RGS17: variants seen among roughly 807,000 people sequenced by gnomAD.
RGS17 encodes the protein regulator of G protein signaling 17, also known as regulator of G-protein signaling 17.
A neutral mutation model predicts 25.5 loss-of-function variants in RGS17; 12 were observed. The ratio of observed to expected loss-of-function variants is 0.47; its 90% CI spans 0.30 to 0.76. The LOEUF is 0.76. RGS17 is among the 30% of genes least tolerant of loss of function. The pLI is 0.07. For synonymous variants in RGS17, 71 were observed against 76.9 expected, an observed-to-expected ratio of 0.92 and a Z score of 0.40; for missense variants, 196 against 242.2, an observed-to-expected ratio of 0.81 and a Z score of 1.27.
At chr6:153,069,273 A>G (rs1776750436) in intron 1 of RGS17, among the ~76,000 whole-genome samples, 1 of 152,358 alleles carries the variant, frequency 6.6e-6, no homozygotes, top group East Asian at 1.9e-4. Context: ...TTCAGCCATA[A>G]AAAGAATGAG....
At chr6:153,062,399 C>G (rs1776651870) in intron 1 of RGS17, among the ~76,000 whole-genome samples, 1 of 152,096 alleles carries the variant, frequency 6.6e-6, no homozygotes, top group Non-Finnish European at 1.5e-5. Flanking sequence ...AAAACTGGAC[C>G]AAATTCAGCT....
intron 1 of RGS17, among the ~76,000 whole-genome samples, chr6:153,071,197 A>G (rs1232056368): frequency 1.3e-5 from 2 of 150,980 alleles, no homozygotes; most frequent in Admixed American, 6.6e-5. Context: ...ATATCAATAT[A>G]TATACACACA....
At chr6:153,020,130 ATATATATATTTTTTTTTTTTT>A (rs1562313019) in intron 4 of RGS17, among the ~76,000 whole-genome samples, 13 of 89,354 alleles carry the variant, frequency 1.5e-4, no homozygotes, top group Non-Finnish European at 2.7e-4. Context: ...ATATATATAT[ATATATATATTTTTTTTTTTTT>A]TTTTTTTTTT....
chr6:153,024,644 A>G lies in RGS17; in HGVS notation c.210-148T>C, dbSNP rs1295000709. On this transcript the variant is annotated intron_variant, in intron 3 of 4. Coordinates refer to ENST00000206262, the MANE Select transcript of RGS17 (RefSeq NM_012419.5). ...GCCACTCAGTCCAGCCTGATGTGCC[A>G]AATAAGTATCTGTCAGGACTACGTC... The G allele has an allele frequency of 1.3e-5, 8 of 635,364 alleles. No individual in the cohort carries two copies. The East Asian group carries it at 2.2e-4, about 17-fold the overall frequency. The allele number at this position is 635,364 out of a possible 1,614,324, so 39.4% of individuals were successfully genotyped here.
intron 4 of RGS17, 80 bp from the exon 5 acceptor site, chr6:153,011,842 T>C (rs1779137191): frequency 9.5e-7 from 1 of 1,048,636 alleles, no homozygotes; most frequent in Admixed American, 2.9e-5. Context: ...GTTTGTGACA[T>C]TTTAGAGAAA....
At chr6:153,108,997 T>A (rs1254599155) in intron 1 of RGS17, among the ~76,000 whole-genome samples, 1 of 152,128 alleles carries the variant, frequency 6.6e-6, no homozygotes, top group Non-Finnish European at 1.5e-5. Flanking sequence ...TGCTAGCACA[T>A]AGTGGGTGCT....
chr6:153,049,973 C>T (rs938172765), intron 1 of RGS17, among the ~76,000 whole-genome samples: 1 of 152,110 alleles, frequency 6.6e-6, no homozygotes, highest in African/African-American at 2.4e-5. Flanking sequence ...AATAATAAAA[C>T]TCTCAGAGAG....
intron 1 of RGS17, among the ~76,000 whole-genome samples, chr6:153,056,838 CTGTGTGTGTGTGTGTGTG>C (rs59058708): frequency 2.6e-4 from 37 of 144,420 alleles, no homozygotes; most frequent in Middle Eastern, 3.4e-3. Flanking sequence ...AGAGGAAGGG[CTGTGTGTGTGTGTGTGTG>C]TGTGTGTGTG....
intron 1 of RGS17, among the ~76,000 whole-genome samples, chr6:153,098,634 C>A (rs1243080150): frequency 2.6e-5 from 4 of 151,868 alleles, no homozygotes; most frequent in Non-Finnish European, 5.9e-5. Flanking sequence ...AAGGGACAGG[C>A]AATTGAGAGG....
intron 2 of RGS17, among the ~76,000 whole-genome samples, chr6:153,029,574 C>T (rs1779339899): frequency 6.7e-6 from 1 of 148,456 alleles, no homozygotes; most frequent in East Asian, 2.0e-4. Flanking sequence ...CATAGAGACA[C>T]TTTTTTTTTT....
chr6:153,059,811 G>T (rs1240291936), intron 1 of RGS17, among the ~76,000 whole-genome samples: 1 of 152,148 alleles, frequency 6.6e-6, no homozygotes, highest in Non-Finnish European at 1.5e-5. Context: ...AAATATCAAT[G>T]CAAGGGTGAT....
At chr6:153,020,119 T>TAC in intron 4 of RGS17, among the ~76,000 whole-genome samples, 2 of 85,542 alleles carry the variant, frequency 2.3e-5, no homozygotes, top group African/African-American at 1.0e-4. Flanking sequence ...AAAATATATA[T>TAC]ATATATATAT....
chr6:153,113,642 A>G (rs946267156), intron 1 of RGS17, among the ~76,000 whole-genome samples: 1 of 152,216 alleles, frequency 6.6e-6, no homozygotes, highest in Non-Finnish European at 1.5e-5. Context: ...TCTTAGCACC[A>G]CATTGCACTT....
intron 1 of RGS17, among the ~76,000 whole-genome samples, chr6:153,072,500 T>C (rs971794082): frequency 6.6e-6 from 1 of 152,242 alleles, no homozygotes; most frequent in South Asian, 2.1e-4. Context: ...ATAAGGAAAC[T>C]GAAATCAGAG....
intron 4 of RGS17, among the ~76,000 whole-genome samples, chr6:153,013,205 T>C (rs1440860866): frequency 6.6e-6 from 1 of 152,236 alleles, no homozygotes; most frequent in Non-Finnish European, 1.5e-5. Context: ...GTAGTTCCCA[T>C]AATATTTCAC....
rs551869787 is a variant in RGS17, at chr6:153,061,340, T to C, written c.-25-17297A>G. 5.9e-5 allele frequency among the ~76,000 whole-genome samples: 9 copies of C among 152,330 alleles called. No individual in the cohort carries two copies. In the South Asian group the frequency reaches 1.7e-3, roughly 28 times the overall value. Reference sequence around the variant, plus strand: ...TCTAAAATAAAAACTCTCTGTTTAATATAGAGTCATAATGTGTTTACTTAG... The same window carrying C: ...TCTAAAATAAAAACTCTCTGTTTAACATAGAGTCATAATGTGTTTACTTAG... On this transcript the variant is annotated intron_variant, in intron 1 of 4. Transcript: ENST00000206262.
chr6:153,083,527 TAA>T (rs1777011551), intron 1 of RGS17, among the ~76,000 whole-genome samples: 1 of 152,194 alleles, frequency 6.6e-6, no homozygotes, highest in Admixed American at 6.5e-5. Flanking sequence ...GGCAGAGTGG[TAA>T]GTCTGTTTTT....
intron 1 of RGS17, among the ~76,000 whole-genome samples, chr6:153,076,456 A>C (rs1359395120): frequency 6.6e-6 from 1 of 152,208 alleles, no homozygotes; most frequent in Non-Finnish European, 1.5e-5. Context: ...GGAAAGTCTC[A>C]GAAGCAATGA....
chr6:153,062,435 T>C (rs1260516596), intron 1 of RGS17, among the ~76,000 whole-genome samples: 1 of 152,168 alleles, frequency 6.6e-6, no homozygotes, highest in African/African-American at 2.4e-5. Context: ...AGGGTGTGTT[T>C]ATATTAGCCC....
Sources: gnomAD v4.1 joint callset for allele counts (sites outside exome capture counted in the v4.1 genomes callset) on GRCh38, gnomAD v4.1.1 for gene constraint, MANE v1.5 for transcripts, NCBI Gene and HGNC (gene_info 2026-07-23, HGNC 2026-07-21) for gene names.